The following LRP1B variants were observed in gnomAD, a reference collection of about 807,000 sequenced individuals.
LRP1B encodes the protein low-density lipoprotein receptor-related protein 1B.
LRP1B carries 217 observed loss-of-function variants against 556.6 expected under a neutral mutation model. The observed-to-expected ratio is 0.39, with a 90% CI of 0.35 to 0.44. The LOEUF is 0.44. Ranked by LOEUF, LRP1B falls within the 20% of genes least tolerant of loss-of-function variation. The pLI is 1.00. For synonymous variants in LRP1B, 2,047 were observed against 1,865.8 expected, an observed-to-expected ratio of 1.10 and a Z score of -2.50; for missense variants, 5,053 against 5,620.8, an observed-to-expected ratio of 0.90 and a Z score of 3.23.
intron 2 of LRP1B, among the ~76,000 whole-genome samples, chr2:141,726,675 G>C (rs1033076356): frequency 6.6e-6 from 1 of 151,990 alleles, no homozygotes; most frequent in Non-Finnish European, 1.5e-5. Flanking sequence ...AAGCAATAAA[G>C]TCTGGTGGCT....
intron 7 of LRP1B, among the ~76,000 whole-genome samples, chr2:141,124,204 G>A (rs528460254): frequency 6.6e-6 from 1 of 152,058 alleles, no homozygotes; most frequent in African/African-American, 2.4e-5. Flanking sequence ...AAATAAAGTA[G>A]GTGATCTCAC....
At chr2:140,787,170 C>T (rs1033814731) in intron 32 of LRP1B, among the ~76,000 whole-genome samples, 1 of 152,150 alleles carries the variant, frequency 6.6e-6, no homozygotes, top group Non-Finnish European at 1.5e-5. Flanking sequence ...TGGGTCTGAA[C>T]CACATTTTAT....
chr2:140,288,582 C>T (rs1239850739), intron 84 of LRP1B, among the ~76,000 whole-genome samples: 2 of 151,846 alleles, frequency 1.3e-5, no homozygotes, highest in Admixed American at 6.6e-5. Context: ...TTTGTTTAGT[C>T]TGCATGTCTC....
intron 2 of LRP1B, among the ~76,000 whole-genome samples, chr2:141,642,845 T>C (rs1689390883): frequency 6.6e-6 from 1 of 152,150 alleles, no homozygotes; most frequent in South Asian, 2.1e-4. Context: ...ACAAGGTCCA[T>C]TTTGTAGCGA....
intron 86 of LRP1B, among the ~76,000 whole-genome samples, chr2:140,263,735 A>G (rs1264460273): frequency 6.6e-6 from 1 of 151,664 alleles, no homozygotes; most frequent in Non-Finnish European, 1.5e-5. Flanking sequence ...CCTCCTTTCT[A>G]TCTGAGACCT....
intron 7 of LRP1B, among the ~76,000 whole-genome samples, chr2:141,150,759 A>G (rs1341641486): frequency 1.3e-5 from 2 of 152,038 alleles, no homozygotes; most frequent in African/African-American, 4.8e-5. Context: ...CCTTAGCTCA[A>G]TTAGTGTTAT....
At chr2:140,536,524 A>C (rs968321561) in intron 46 of LRP1B, 57 bp downstream of exon 46, 49 of 1,557,956 alleles carry the variant, frequency 3.1e-5, no homozygotes, top group Non-Finnish European at 4.1e-5. Context: ...CAAACCAAAA[A>C]CTGTAAAGAA....
chr2:141,417,683 A>G (rs1401940730), intron 3 of LRP1B, among the ~76,000 whole-genome samples: 1 of 151,822 alleles, frequency 6.6e-6, no homozygotes, highest in Non-Finnish European at 1.5e-5. Flanking sequence ...GAGTGCAAAT[A>G]TCTCTTGAAG....
At chr2:140,707,496 T>C (rs1276407195) in intron 37 of LRP1B, among the ~76,000 whole-genome samples, 2 of 152,144 alleles carry the variant, frequency 1.3e-5, no homozygotes, top group East Asian at 3.8e-4. Flanking sequence ...CAAAAGCTGC[T>C]TGTAATTTCC....
At chr2:140,761,651 C>G (rs1039859310) in intron 35 of LRP1B, among the ~76,000 whole-genome samples, 1 of 152,098 alleles carries the variant, frequency 6.6e-6, no homozygotes, top group Non-Finnish European at 1.5e-5. Context: ...GAGTTATGGT[C>G]TTTTATTCAA....
At chr2:141,080,002 T>A (rs1699885585) in intron 7 of LRP1B, among the ~76,000 whole-genome samples, 1 of 152,218 alleles carries the variant, frequency 6.6e-6, no homozygotes, top group Non-Finnish European at 1.5e-5. Flanking sequence ...CACGAATACG[T>A]GTCTAGTGTC....
intron 62 of LRP1B, among the ~76,000 whole-genome samples, chr2:140,455,988 T>C (rs1195669576): frequency 2.6e-5 from 4 of 152,152 alleles, no homozygotes; most frequent in African/African-American, 9.6e-5. Context: ...AATTAAGTTT[T>C]AAAGAAAAAG....
intron 63 of LRP1B, 55 bp downstream of exon 63, chr2:140,450,513 T>G (rs1686841233): frequency 1.5e-6 from 2 of 1,332,058 alleles, no homozygotes; most frequent in Admixed American, 3.6e-5. Flanking sequence ...ATTTTCCAGG[T>G]CTGGGATATA....
chr2:141,691,038 T>G (rs907169589), intron 2 of LRP1B, among the ~76,000 whole-genome samples: 5 of 151,854 alleles, frequency 3.3e-5, no homozygotes, highest in Non-Finnish European at 7.4e-5. Context: ...TTTCTAAGAA[T>G]GGAGTACTAG....
At chr2:140,895,652 C>T (rs1693933540) in intron 23 of LRP1B, among the ~76,000 whole-genome samples, 1 of 152,092 alleles carries the variant, frequency 6.6e-6, no homozygotes, top group Admixed American at 6.5e-5. Context: ...TACTGGGTGT[C>T]AGGAAGAATC....
intron 11 of LRP1B, among the ~76,000 whole-genome samples, chr2:141,038,819 A>G (rs1212908998): frequency 6.6e-6 from 1 of 152,134 alleles, no homozygotes; most frequent in Non-Finnish European, 1.5e-5. Context: ...TAAGAATTCC[A>G]TAATGCTAAG....
At chr2:141,454,201 T>C (rs538009176) in intron 3 of LRP1B, among the ~76,000 whole-genome samples, 2 of 152,238 alleles carry the variant, frequency 1.3e-5, no homozygotes, top group Non-Finnish European at 2.9e-5. Flanking sequence ...GTTAAGAGAC[T>C]ATAATTTTGT....
chr2:140,308,755 A>G (rs2105023419), intron 83 of LRP1B, among the ~76,000 whole-genome samples: 1 of 151,992 alleles, frequency 6.6e-6, no homozygotes, highest in Non-Finnish European at 1.5e-5. Context: ...GTGACACTTA[A>G]ACTGCAGAGC....
chr2:141,540,891 T>A (rs1685234660), intron 2 of LRP1B, among the ~76,000 whole-genome samples: 1 of 152,036 alleles, frequency 6.6e-6, no homozygotes. Flanking sequence ...AATCATGCTC[T>A]ACATTTTTAG....
Sources: allele counts gnomAD v4.1 joint callset (sites outside exome capture counted in the v4.1 genomes callset), GRCh38; gene constraint gnomAD v4.1.1; transcripts MANE v1.5; gene names NCBI Gene and HGNC (gene_info 2026-07-23, HGNC 2026-07-21).